CHST3: variants seen among roughly 807,000 people sequenced by gnomAD.
The protein encoded by CHST3 is C6ST-1.
In CHST3, 20 loss-of-function variants were observed where a neutral mutation model predicts 35.4. That is an observed-to-expected ratio of 0.57 (90% CI 0.40 to 0.82). The LOEUF is 0.82. CHST3 is among the 40% of genes least tolerant of loss of function. The pLI is 0.00. For synonymous variants in CHST3, 334 were observed against 295.9 expected, an observed-to-expected ratio of 1.13 and a Z score of -1.32; for missense variants, 693 against 670.1, an observed-to-expected ratio of 1.03 and a Z score of -0.38.
Position 72,009,275 on chromosome 10 carries a change from A to G in CHST3, c.*804A>G, listed in dbSNP as rs1840083015. 1 of 152,262 alleles carries G rather than the reference A, an allele frequency of 6.6e-6. No homozygotes were observed. The highest frequency in any genetic ancestry group is 6.5e-5 in the Admixed American group (1 of 15,272). The allele number at this position is 152,262 out of a possible 1,614,324, so 9.4% of individuals were successfully genotyped here. A position where few individuals can be genotyped will look rare whatever the true frequency, so the allele number is the denominator to read the frequency against. On this transcript the variant is annotated 3_prime_UTR_variant, in exon 3 of 3. Transcript: ENST00000373115. ...TTATTTCGAGGGCAGGGCAGGGGAA[A>G]GAAACGCGTTAAAGGGCCATGACAT...
rs924850146 is a variant in CHST3, at chr10:72,008,569, C to G, written c.*98C>G. On this transcript the variant is annotated 3_prime_UTR_variant, in exon 3 of 3. Transcript: ENST00000373115. ...GCGGGTGCACAGCGCCATGAGCGGG[C>G]AGCGCCTCCTGTAGCAGTAGGGCCC... 33 of 1,438,808 alleles carry G rather than the reference C, an allele frequency of 2.3e-5. No individual in the cohort carries two copies. Among genetic ancestry groups the G allele is most frequent in the African/African-American group, 4.3e-5 (3 of 69,610 alleles). The allele number at this position is 1,438,808 out of a possible 1,614,324, so 89.1% of individuals were successfully genotyped here.
At chr10:71,997,041 T>C (rs1453382675) in intron 1 of CHST3, among the ~76,000 whole-genome samples, 2 of 152,136 alleles carry the variant, frequency 1.3e-5, no homozygotes, top group African/African-American at 4.8e-5. Context: ...TTTATTTATT[T>C]ATTGTGGTCA....
intron 1 of CHST3, among the ~76,000 whole-genome samples, chr10:71,967,975 A>ATTTTTTTTTTTTTTTTTTTTTT (rs61420934): frequency 1.4e-5 from 2 of 142,034 alleles, no homozygotes; most frequent in Non-Finnish European, 3.1e-5. Context: ...TGCGTGGCTA[A>ATTTTTTTTTTTTTTTTTTTTTT]TTTTTTTTTT....
At chr10:72,003,666 A>T (rs1589507571) in intron 1 of CHST3, among the ~76,000 whole-genome samples, 2 of 145,688 alleles carry the variant, frequency 1.4e-5, no homozygotes, top group Non-Finnish European at 3.0e-5. Context: ...GCACCACTGC[A>T]CTCCAGCCTG....
In CHST3 at chr10:72,008,617, C is replaced by G; in HGVS notation, c.*146C>G. On this transcript the variant is annotated 3_prime_UTR_variant, in exon 3 of 3. Coordinates refer to ENST00000373115, the MANE Select transcript of CHST3 (RefSeq NM_004273.5). ...CCCCCAGCCAGCGCTCCAGCCAAAGCGGCGGCCCCAGGGTTAATTGCGGAG... is the reference window on the plus strand; with the variant it reads ...CCCCCAGCCAGCGCTCCAGCCAAAGGGGCGGCCCCAGGGTTAATTGCGGAG... 7.1e-7 allele frequency: 1 copy of G among 1,416,472 alleles called. No homozygotes were observed. Among genetic ancestry groups the G allele is most frequent in the South Asian group, 1.5e-5 (1 of 65,846 alleles). 87.7% of individuals were successfully genotyped at this position (1,416,472 alleles called of 1,614,324 possible).
Position 72,005,864 on chromosome 10 carries a change from C to A in CHST3, c.22C>A (p.Pro8Thr). 1 of 1,614,202 alleles carries A rather than the reference C, an allele frequency of 6.2e-7. No homozygotes were observed. Among genetic ancestry groups the A allele is most frequent in the Non-Finnish European group, 8.5e-7 (1 of 1,180,024 alleles). The change falls in exon 2 of 3, where the codon CCC becomes ACC. Residue 8 changes from proline (P) to threonine (T), a missense_variant. Pro to Thr is a conservative substitution (Grantham distance 38). Coordinates refer to ENST00000373115, the MANE Select transcript of CHST3 (RefSeq NM_004273.5). MEKGLTL[P>T]QDCRDFVHSL... is the part of the protein sequence containing the mutation. ...CCCCATGGAGAAAGGACTCACTTTG[C>A]CCCAGGACTGCCGGGACTTTGTGCA...
intron 1 of CHST3, among the ~76,000 whole-genome samples, chr10:72,005,282 T>TG (rs1449815140): frequency 1.4e-5 from 2 of 143,204 alleles, no homozygotes; most frequent in East Asian, 1.9e-4. Context: ...GGTCTGCACC[T>TG]TTGTGTGTGT....
chr10:72,006,500 A>G (rs574772229), intron 2 of CHST3, among the ~76,000 whole-genome samples: 165 of 152,294 alleles, frequency 1.1e-3, no homozygotes, highest in African/African-American at 3.8e-3. Flanking sequence ...GGATACTCTG[A>G]TGGGCAAGGC....
intron 1 of CHST3, among the ~76,000 whole-genome samples, chr10:71,979,099 C>T (rs931419330): frequency 6.6e-6 from 1 of 152,204 alleles, no homozygotes; most frequent in Admixed American, 6.5e-5. Flanking sequence ...ACACGTGTTA[C>T]CTCTAATACA....
chr10:71,994,781 C>G (rs879679797), intron 1 of CHST3, among the ~76,000 whole-genome samples: 1 of 152,232 alleles, frequency 6.6e-6, no homozygotes, highest in Non-Finnish European at 1.5e-5. Flanking sequence ...TAGCCACCTT[C>G]GTCAGTGATC....
intron 1 of CHST3, among the ~76,000 whole-genome samples, chr10:71,985,546 G>T (rs1410595048): frequency 6.6e-6 from 1 of 152,186 alleles, no homozygotes. Flanking sequence ...AACCCAACTA[G>T]TTCACTCCTC....
In CHST3 at chr10:72,008,431, T is replaced by C. The variant is rs1194059073; in HGVS notation, c.1400T>C (p.Val467Ala). 1.3e-6 allele frequency: 2 copies of C among 1,571,178 alleles called. No individual in the cohort carries two copies. Among genetic ancestry groups the C allele is most frequent in the Admixed American group, 3.7e-5 (2 of 53,690 alleles). The change falls in exon 3 of 3, where the codon GTC (valine) becomes GCC (alanine). Residue 467 changes from valine (V) to alanine (A), a missense_variant. By Grantham distance (64) the Val-to-Ala change is moderately conservative. Transcript: ENST00000373115. ...GCCGCCGCCCTCACCAACCGCTCAG[T>C]CAGCCTGCTGGAGGAGAGGGGCACC... ...RDAAALTNRSVSLLEERGTFW... is the reference protein window; with the variant it reads ...RDAAALTNRSASLLEERGTFW...
At chr10:71,982,209 T>C (rs1381087504) in intron 1 of CHST3, among the ~76,000 whole-genome samples, 1 of 152,080 alleles carries the variant, frequency 6.6e-6, no homozygotes, top group East Asian at 1.9e-4. Context: ...AGTGTCCTTA[T>C]AAGAGGGAGG....
Position 72,008,676 on chromosome 10 carries a change from C to G in CHST3, c.*205C>G. 1 of 1,102,504 alleles carries G rather than the reference C, an allele frequency of 9.1e-7. No individual in the cohort carries two copies. Among genetic ancestry groups the G allele is most frequent in the Non-Finnish European group, 1.2e-6 (1 of 812,838 alleles). 68.3% of individuals were successfully genotyped at this position (1,102,504 alleles called of 1,614,324 possible). On this transcript the variant is annotated 3_prime_UTR_variant, in exon 3 of 3. Coordinates refer to ENST00000373115, the MANE Select transcript of CHST3 (RefSeq NM_004273.5). ...AGTGCCCGGTCCCCTTGAGGGCCATCACACCCAGACCCAACGGGTTGCAGC... is the reference window on the plus strand; with the variant it reads ...AGTGCCCGGTCCCCTTGAGGGCCATGACACCCAGACCCAACGGGTTGCAGC...
At chr10:71,975,691 A>G (rs766901016) in intron 1 of CHST3, among the ~76,000 whole-genome samples, 2 of 152,264 alleles carry the variant, frequency 1.3e-5, no homozygotes, top group Non-Finnish European at 2.9e-5. Context: ...GAAACGGACT[A>G]TGAATCAAGC....
chr10:71,967,769 G>A (rs1839645843), intron 1 of CHST3, among the ~76,000 whole-genome samples: 1 of 152,112 alleles, frequency 6.6e-6, no homozygotes, highest in Non-Finnish European at 1.5e-5. Context: ...CACAATGGCT[G>A]AACTAATTTA....
At chr10:71,997,597 A>T (rs1043118375) in intron 1 of CHST3, among the ~76,000 whole-genome samples, 1 of 152,220 alleles carries the variant, frequency 6.6e-6, no homozygotes, top group Non-Finnish European at 1.5e-5. Flanking sequence ...TTACTAAAGC[A>T]ATACAGGTGT....
rs1248133457 is a variant in CHST3, at chr10:72,007,975, C to T, written c.944C>T (p.Ala315Val). 1 of 1,549,428 alleles carries T rather than the reference C, an allele frequency of 6.5e-7. No homozygotes were observed. Among genetic ancestry groups the T allele is most frequent in the Non-Finnish European group, 8.7e-7 (1 of 1,146,486 alleles). ...AVLASRMVAF[A>V]GKYKTWKKWL... ...CTGGCCTCGCGCATGGTGGCCTTCGCCGGCAAGTATAAGACCTGGAAGAAG... is the reference window on the plus strand; with the variant it reads ...CTGGCCTCGCGCATGGTGGCCTTCGTCGGCAAGTATAAGACCTGGAAGAAG... The change falls in exon 3 of 3, where the codon GCC becomes GTC. Residue 315 changes from alanine to valine, a missense_variant. By Grantham distance (64) the Ala-to-Val change is moderately conservative. Coordinates refer to ENST00000373115, the MANE Select transcript of CHST3 (RefSeq NM_004273.5).
In CHST3 at chr10:72,009,817, G is replaced by T. The variant is rs1469896618; in HGVS notation, c.*1346G>T. The T allele has an allele frequency of 6.5e-6, 1 of 152,952 alleles. No individual in the cohort carries two copies. Among genetic ancestry groups the T allele is most frequent in the Non-Finnish European group, 1.5e-5 (1 of 68,474 alleles). The allele number at this position is 152,952 out of a possible 1,614,324, so 9.5% of individuals were successfully genotyped here. ...GTTTCGGGCTTTTATTTATGGCTTG[G>T]TGTCTTTCTTGTTTCATGGCTGTGT... On this transcript the variant is annotated 3_prime_UTR_variant, in exon 3 of 3. Transcript: ENST00000373115.
Sources: gnomAD v4.1 joint callset for allele counts (sites outside exome capture counted in the v4.1 genomes callset) on GRCh38, gnomAD v4.1.1 for gene constraint, MANE v1.5 for transcripts, NCBI Gene and HGNC (gene_info 2026-07-23, HGNC 2026-07-21) for gene names.